Variants in CBLN3 observed in about 807,000 individuals in gnomAD.
The protein encoded by CBLN3 is cerebellin-3.
A neutral mutation model predicts 17.4 loss-of-function variants in CBLN3; 14 were observed. The ratio of observed to expected loss-of-function variants is 0.81; its 90% CI spans 0.53 to 1.26. The LOEUF (loss-of-function observed/expected upper bound fraction) is 1.26. Ranked by LOEUF, CBLN3 falls within the 50% of genes most tolerant of loss-of-function variation. CBLN3 has a pLI of 0.00. For missense variants in CBLN3, 263 were observed against 268.5 expected, an observed-to-expected ratio of 0.98 and a Z score of 0.14; for synonymous variants, 129 against 117.4, an observed-to-expected ratio of 1.10 and a Z score of -0.64.
Position 24,429,266 on chromosome 14 carries a change from AGT to A in CBLN3, c.-214_-213del. The A allele has an allele frequency of 2.8e-6, 2 of 703,704 alleles. No individual in the cohort carries two copies. Among genetic ancestry groups the A allele is most frequent in the Non-Finnish European group, 5.0e-6 (2 of 396,100 alleles). 43.6% of individuals were successfully genotyped at this position (703,704 alleles called of 1,614,324 possible). A position where few individuals can be genotyped will look rare whatever the true frequency, so the allele number is the denominator to read the frequency against. Reference sequence around the variant, plus strand: ...TTCCCTCCTCCTTGGCAGAGCATGCAGTGACAGCAGTTGGGCTTTGGGAGAGA... The same window carrying A: ...TTCCCTCCTCCTTGGCAGAGCATGCAGACAGCAGTTGGGCTTTGGGAGAGA... On this transcript the variant is annotated 5_prime_UTR_variant, in exon 1 of 3. It introduces an in-frame stop codon into an upstream open reading frame of the 5' UTR. Coordinates refer to ENST00000267406, the MANE Select transcript of CBLN3 (RefSeq NM_001039771.3).
rs980155269 is a variant in CBLN3 at position 24,426,740 on chromosome 14, G to A, written c.*1049C>T. The A allele has an allele frequency of 6.6e-6, 1 of 152,210 alleles. No individual in the cohort carries two copies. The highest frequency in any genetic ancestry group is 2.4e-5 in the African/African-American group (1 of 41,418). The allele number at this position is 152,210 out of a possible 1,614,324, so 9.4% of individuals were successfully genotyped here. On this transcript the variant is annotated 3_prime_UTR_variant, in exon 3 of 3. Transcript: ENST00000267406. ...CAGCGGGATAAGAAAGAGAGAGGGA[G>A]GGTTTAGCATACTGGCAGGAGAGGG...
At chr14:24,428,505 G>T in intron 1 of CBLN3, 100 bp from the exon 2 acceptor site, 1 of 1,421,264 alleles carries the variant, frequency 7.0e-7, no homozygotes, top group Non-Finnish European at 9.6e-7. Context: ...TGAATAGAAG[G>T]AGTGGCAAGT....
rs1434672690 is a variant in CBLN3, at chr14:24,427,755, G to T, written c.*34C>A. On this transcript the variant is annotated 3_prime_UTR_variant, in exon 3 of 3. Transcript: ENST00000267406. The surrounding 1 kb of genome is among the most constrained non-coding windows in gnomAD (Gnocchi z 4.4). ...AGAGAGGGCAGAAGAAAGTTGTCAG[G>T]GGCTGGATTCTTGTGCTTGAAAGAC... is the stretch of plus-strand genomic sequence containing the variant. The T allele has an allele frequency of 1.9e-6, 3 of 1,604,982 alleles. No homozygotes were observed. The highest frequency in any genetic ancestry group is 2.6e-6 in the Non-Finnish European group (3 of 1,172,134).
rs2043031627 is a variant in CBLN3, at chr14:24,427,490, C to T, written c.*299G>A. 5 of 360,722 alleles carry T rather than the reference C, an allele frequency of 1.4e-5. No homozygotes were observed. The highest frequency in any genetic ancestry group is 2.6e-5 in the Non-Finnish European group (5 of 195,548). The allele number at this position is 360,722 out of a possible 1,614,324, so 22.3% of individuals were successfully genotyped here. A position where few individuals can be genotyped will look rare whatever the true frequency, so the allele number is the denominator to read the frequency against. ...GGGGGAACCGGAGGAGCAGAGGCCG[C>T]AAAGTAGTGCAGATCTTCCTTCTTG... On this transcript the variant is annotated 3_prime_UTR_variant, in exon 3 of 3. Coordinates refer to ENST00000267406, the MANE Select transcript of CBLN3 (RefSeq NM_001039771.3). This position sits in a 1 kb window ranked among gnomAD's most constrained non-coding sequence, Gnocchi z 4.4.
rs936535944 is a variant in CBLN3, at chr14:24,427,469, G to C, written c.*320C>G. On this transcript the variant is annotated 3_prime_UTR_variant, in exon 3 of 3. Coordinates refer to ENST00000267406, the MANE Select transcript of CBLN3 (RefSeq NM_001039771.3). The surrounding 1 kb of genome is among the most constrained non-coding windows in gnomAD (Gnocchi z 4.4). ...CATTGAGCAGGAAGCTGGGGTGGGG[G>C]AACCGGAGGAGCAGAGGCCGCAAAG... 4.4e-5 allele frequency: 14 copies of C among 317,724 alleles called. No individual in the cohort carries two copies. Among genetic ancestry groups the C allele is most frequent in the African/African-American group, 2.8e-4 (13 of 46,226 alleles). The allele number at this position is 317,724 out of a possible 1,614,324, so 19.7% of individuals were successfully genotyped here. A position where few individuals can be genotyped will look rare whatever the true frequency, so the allele number is the denominator to read the frequency against.
Position 24,427,438 on chromosome 14 carries a change from G to T in CBLN3, c.*351C>A. 3.7e-6 allele frequency: 1 copy of T among 267,220 alleles called. No homozygotes were observed. The highest frequency in any genetic ancestry group is 7.3e-6 in the Non-Finnish European group (1 of 137,494). The allele number at this position is 267,220 out of a possible 1,614,324, so 16.6% of individuals were successfully genotyped here. A position where few individuals can be genotyped will look rare whatever the true frequency, so the allele number is the denominator to read the frequency against. On this transcript the variant is annotated 3_prime_UTR_variant, in exon 3 of 3. Transcript: ENST00000267406. The surrounding 1 kb of genome is among the most constrained non-coding windows in gnomAD (Gnocchi z 4.4). ...AGGCTCACCTGCGCCACCTGTCCCT[G>T]ATCAGCATTGAGCAGGAAGCTGGGG...
In CBLN3 at chr14:24,429,108, T is replaced by A; in HGVS notation, c.-54A>T. On this transcript the variant is annotated 5_prime_UTR_variant, in exon 1 of 3. Coordinates refer to ENST00000267406, the MANE Select transcript of CBLN3 (RefSeq NM_001039771.3). Reference sequence around the variant, plus strand: ...CCCCGGTCTTCTGCCCCTCTTCTGTTTCCGCTCCTCTCCCTGGATTCTCAC... The same window carrying A: ...CCCCGGTCTTCTGCCCCTCTTCTGTATCCGCTCCTCTCCCTGGATTCTCAC... The A allele has an allele frequency of 1.4e-6, 2 of 1,451,560 alleles. No homozygotes were observed. Among genetic ancestry groups the A allele is most frequent in the Non-Finnish European group, 1.8e-6 (2 of 1,096,596 alleles). The allele number at this position is 1,451,560 out of a possible 1,614,324, so 89.9% of individuals were successfully genotyped here.
In CBLN3 at chr14:24,428,343, C is replaced by A. The variant is rs762392400; in HGVS notation, c.363G>T (p.Arg121=). ...CATGGAACCGGAAGCTGTAGACACC[C>A]CGGACAGGGGCTACGAAGGAGCCAG... is the stretch of plus-strand genomic sequence containing the variant. ...RASGSFVAPV[R]GVYSFRFHVV... is the part of the protein sequence containing the mutation. The change falls in exon 2 of 3, where the codon CGG becomes CGT. Residue 121 remains arginine (R), a synonymous_variant. Coordinates refer to ENST00000267406, the MANE Select transcript of CBLN3 (RefSeq NM_001039771.3). 1 of 1,613,940 alleles carries A rather than the reference C, an allele frequency of 6.2e-7. No individual in the cohort carries two copies. The highest frequency in any genetic ancestry group is 1.7e-5 in the Admixed American group (1 of 60,020).
In CBLN3 at chr14:24,429,357, C is replaced by CTG. The variant is rs1566494461; in HGVS notation, c.-305_-304dup. The CTG allele has an allele frequency of 1.6e-6, 1 of 632,640 alleles. No individual in the cohort carries two copies. Among genetic ancestry groups the CTG allele is most frequent in the South Asian group, 1.5e-5 (1 of 65,932 alleles). The allele number at this position is 632,640 out of a possible 1,614,324, so 39.2% of individuals were successfully genotyped here. On this transcript the variant is annotated 5_prime_UTR_variant, in exon 1 of 3. The change creates a premature stop within an existing upstream ORF in the 5' untranslated region. Transcript: ENST00000267406. Reference sequence around the variant, plus strand: ...CTGCAGCCAGAGCTTCAGGGCAGCCCTGCTGGATGGGACAGCACTGAGGGC... The same window carrying CTG: ...CTGCAGCCAGAGCTTCAGGGCAGCCCTGTGCTGGATGGGACAGCACTGAGGGC...
In CBLN3 at chr14:24,428,877, C is replaced by T. The variant is rs200467816; in HGVS notation, c.178G>A (p.Gly60Arg). 49 of 1,603,426 alleles carry T rather than the reference C, an allele frequency of 3.1e-5. No homozygotes were observed. In the Middle Eastern group the frequency reaches 6.6e-4, roughly 22 times the overall value. Residue 60 changes from glycine to arginine, a missense_variant, in exon 1 of 3, where the codon GGG becomes AGG. Coordinates refer to ENST00000267406, the MANE Select transcript of CBLN3 (RefSeq NM_001039771.3). ...GGTGCCTCTCCCAGGGCTGCTCCCC[C>T]GGGCCCCCCTGCAGCAGCTCGGCCA... ...EPGRAAAGGPGGAALGEAPPG... is the reference protein window; with the variant it reads ...EPGRAAAGGPRGAALGEAPPG...
At position 24,428,822 on chromosome 14, in the gene CBLN3, C is replaced by A; in HGVS notation, c.233G>T (p.Arg78Leu). 1.2e-6 allele frequency: 2 copies of A among 1,612,552 alleles called. No individual in the cohort carries two copies. Among genetic ancestry groups the A allele is most frequent in the Non-Finnish European group, 1.7e-6 (2 of 1,179,342 alleles). Residue 78 changes from arginine (R) to leucine (L), a missense_variant, in exon 1 of 3, where the codon CGA becomes CTA. By Grantham distance (102) the Arg-to-Leu change is moderately radical. Transcript: ENST00000267406. ...CCCTGCTGGCTCATGGTGGTGGCTT[C>A]GGACCGCAGCAAATGCCACTCGCCC... is the stretch of plus-strand genomic sequence containing the variant. ...PPGRVAFAAV[R>L]SHHHEPAGET...
chr14:24,429,073 C>A lies in CBLN3; in HGVS notation c.-19G>T. Reference sequence around the variant, plus strand: ...CCAACATGGCTGAGGGGCTCTGCAACCCACAAGTGCCCCGGTCTTCTGCCC... The same window carrying A: ...CCAACATGGCTGAGGGGCTCTGCAAACCACAAGTGCCCCGGTCTTCTGCCC... On this transcript the variant is annotated 5_prime_UTR_variant, in exon 1 of 3. Transcript: ENST00000267406. The A allele has an allele frequency of 6.8e-7, 1 of 1,470,700 alleles. No homozygotes were observed. Among genetic ancestry groups the A allele is most frequent in the Non-Finnish European group, 9.0e-7 (1 of 1,107,476 alleles). 91.1% of individuals were successfully genotyped at this position (1,470,700 alleles called of 1,614,324 possible).
rs746332705 is a variant in CBLN3 at position 24,428,874 on chromosome 14, C to T, written c.181G>A (p.Gly61Arg). 1.9e-6 allele frequency: 3 copies of T among 1,604,060 alleles called. No homozygotes were observed. The highest frequency in any genetic ancestry group is 2.2e-5 in the South Asian group (2 of 89,882). The change falls in exon 1 of 3, where the codon GGA becomes AGA. Residue 61 changes from glycine (G) to arginine (R), a missense_variant. Transcript: ENST00000267406. ...PGRAAAGGPG[G>R]AALGEAPPGR... ...GGGGGTGCCTCTCCCAGGGCTGCTC[C>T]CCCGGGCCCCCCTGCAGCAGCTCGG...
chr14:24,427,489 G>T lies in CBLN3; in HGVS notation c.*300C>A, dbSNP rs536466209. ...TGGGGGAACCGGAGGAGCAGAGGCCGCAAAGTAGTGCAGATCTTCCTTCTT... is the reference window on the plus strand; with the variant it reads ...TGGGGGAACCGGAGGAGCAGAGGCCTCAAAGTAGTGCAGATCTTCCTTCTT... On this transcript the variant is annotated 3_prime_UTR_variant, in exon 3 of 3. Transcript: ENST00000267406. This position sits in a 1 kb window ranked among gnomAD's most constrained non-coding sequence, Gnocchi z 4.4. 2.8e-6 allele frequency: 1 copy of T among 358,386 alleles called. No individual in the cohort carries two copies. Among genetic ancestry groups the T allele is most frequent in the Non-Finnish European group, 5.2e-6 (1 of 192,522 alleles). 22.2% of individuals were successfully genotyped at this position (358,386 alleles called of 1,614,324 possible).
intron 2 of CBLN3, 130 bp downstream of exon 2, chr14:24,428,156 C>T: frequency 7.3e-7 from 1 of 1,375,452 alleles, no homozygotes; most frequent in Admixed American, 1.9e-5. Flanking sequence ...GCAAGGCAGG[C>T]CCATTCCTCC....
intron 1 of CBLN3, 73 bp from the exon 2 acceptor site, chr14:24,428,478 G>A (rs2043047754): frequency 1.3e-6 from 2 of 1,561,284 alleles, no homozygotes; most frequent in Admixed American, 3.7e-5. Context: ...GGGACTAGGG[G>A]CAGGGGCAGT....
Position 24,429,184 on chromosome 14 carries a change from C to A in CBLN3, c.-130G>T. 1.1e-6 allele frequency: 1 copy of A among 931,564 alleles called. No homozygotes were observed. The highest frequency in any genetic ancestry group is 2.8e-5 in the Admixed American group (1 of 35,294). 57.7% of individuals were successfully genotyped at this position (931,564 alleles called of 1,614,324 possible). The stretch of plus-strand genomic sequence containing the variant: ...CTCTAGGCTCGCTGAACCCCCTCTC[C>A]ATACCTGTGTCCCAGCTCTGTCCTG... On this transcript the variant is annotated 5_prime_UTR_variant, in exon 1 of 3. An upstream start codon of the reference 5' UTR is lost. Coordinates refer to ENST00000267406, the MANE Select transcript of CBLN3 (RefSeq NM_001039771.3).
At position 24,429,086 on chromosome 14, in the gene CBLN3, C is replaced by T. The variant is rs1407315387; in HGVS notation, c.-32G>A. On this transcript the variant is annotated 5_prime_UTR_variant, in exon 1 of 3. Coordinates refer to ENST00000267406, the MANE Select transcript of CBLN3 (RefSeq NM_001039771.3). Reference sequence around the variant, plus strand: ...GGGGCTCTGCAACCCACAAGTGCCCCGGTCTTCTGCCCCTCTTCTGTTTCC... The same window carrying T: ...GGGGCTCTGCAACCCACAAGTGCCCTGGTCTTCTGCCCCTCTTCTGTTTCC... 2.8e-5 allele frequency: 41 copies of T among 1,463,648 alleles called. No individual in the cohort carries two copies. The highest frequency in any genetic ancestry group is 4.3e-5 in the African/African-American group (3 of 70,286). The allele number at this position is 1,463,648 out of a possible 1,614,324, so 90.7% of individuals were successfully genotyped here.
At position 24,429,613 on chromosome 14, in the gene CBLN3, G is replaced by T; in HGVS notation, c.-559C>A. On this transcript the variant is annotated 5_prime_UTR_variant, in exon 1 of 3. Coordinates refer to ENST00000267406, the MANE Select transcript of CBLN3 (RefSeq NM_001039771.3). ...CTCCCGCCTCCCGCCTACCCCCTCC[G>T]CCACGATTGCTTTGGTGGAAAGTGC... The T allele has an allele frequency of 9.9e-7, 1 of 1,005,152 alleles. No individual in the cohort carries two copies. The highest frequency in any genetic ancestry group is 1.3e-6 in the Non-Finnish European group (1 of 780,552). The allele number at this position is 1,005,152 out of a possible 1,614,324, so 62.3% of individuals were successfully genotyped here.
Sources: gnomAD v4.1 joint callset for allele counts on GRCh38, gnomAD v4.1.1 for gene constraint, Gnocchi (gnomAD v3.1) non-coding constraint, MANE v1.5 for transcripts, NCBI Gene and HGNC (gene_info 2026-07-23, HGNC 2026-07-21) for gene names.